TP73: variants seen among roughly 807,000 people sequenced by gnomAD.
The protein encoded by TP73 is p53-like transcription factor.
A neutral mutation model predicts 62.5 loss-of-function variants in TP73; 25 were observed. That is an observed-to-expected ratio of 0.40 (90% CI 0.29 to 0.56). The LOEUF is 0.56. TP73 is among the 20% of genes least tolerant of loss of function. The pLI, the probability that TP73 is intolerant of heterozygous loss-of-function variation, is 0.46. For synonymous variants in TP73, 423 were observed against 377.5 expected (o/e 1.12, Z -1.40); for missense variants, 754 against 913.3 (o/e 0.83, Z 2.25).
intron 3 of TP73, among the ~76,000 whole-genome samples, chr1:3,690,135 G>A (rs1357697741): frequency 2.0e-5 from 3 of 152,078 alleles, no homozygotes; most frequent in Non-Finnish European, 2.9e-5. Flanking sequence ...GGCTCCAAAC[G>A]CACGGCTCTG....
intron 1 of TP73, among the ~76,000 whole-genome samples, chr1:3,665,409 G>A (rs139551925): frequency 1.8e-3 from 278 of 152,288 alleles, no homozygotes; most frequent in African/African-American, 6.5e-3. Context: ...AAAATACACC[G>A]TTGTAAGATT....
At chr1:3,692,691 G>A (rs1181931717) in intron 3 of TP73, among the ~76,000 whole-genome samples, 1 of 152,124 alleles carries the variant, frequency 6.6e-6, no homozygotes, top group African/African-American at 2.4e-5. Flanking sequence ...GGCCAGTGTC[G>A]CTGCCTGGCC....
intron 3 of TP73, chr1:3,690,872 T>C (rs1645800409): frequency 2.6e-6 from 4 of 1,563,582 alleles, no homozygotes; most frequent in Non-Finnish European, 3.5e-6. Context: ...GGGACACCAG[T>C]TCCCTGGCGT....
chr1:3,700,959 A>G (rs1489994073), intron 3 of TP73, among the ~76,000 whole-genome samples: 1 of 152,162 alleles, frequency 6.6e-6, no homozygotes, highest in Non-Finnish European at 1.5e-5. Context: ...GAGGACAAAG[A>G]GTCTTTCAAG....
chr1:3,727,321 A>G, intron 7 of TP73, 97 bp downstream of exon 7: 1 of 1,230,778 alleles, frequency 8.1e-7, no homozygotes, highest in Non-Finnish European at 1.2e-6. Flanking sequence ...GGCCAAGGCT[A>G]GCTTGGGGAA....
rs1472222989 is a variant in TP73 at position 3,733,032 on chromosome 1, C to T, written c.1864C>T (p.Arg622Cys). 6 of 1,547,760 alleles carry T rather than the reference C, an allele frequency of 3.9e-6. No homozygotes were observed. The highest frequency in any genetic ancestry group is 4.3e-6 in the Non-Finnish European group (5 of 1,151,180). Residue 622 changes from arginine to cysteine, a missense_variant, in exon 14 of 14, where the codon CGC becomes TGC. Coordinates refer to ENST00000378295, the MANE Select transcript of TP73 (RefSeq NM_005427.4). The stretch of plus-strand genomic sequence containing the variant: ...CTTCGACCTGCCCGACTGCAAGGCC[C>T]GCAAGCAGCCCATCAAGGAGGAGTT... The part of the protein sequence containing the change: ...FGFDLPDCKA[R>C]KQPIKEEFTE...
rs1354932698 is a variant in TP73, at chr1:3,663,946, G to C, written c.-34+11305G>C. The stretch of plus-strand genomic sequence containing the variant: ...AGGTTTTGGGGTAGTGGTATGTCTT[G>C]AGCCCAATCAGTACCCTGGGGGTCG... On this transcript the variant is annotated intron_variant, in intron 1 of 13. Coordinates refer to ENST00000378295, the MANE Select transcript of TP73 (RefSeq NM_005427.4). The surrounding 1 kb of genome is among the most constrained non-coding windows in gnomAD (Gnocchi z 4.7). Among the ~76,000 whole-genome samples the C allele has an allele frequency of 6.6e-6, 1 of 152,172 alleles. No individual in the cohort carries two copies. The highest frequency in any genetic ancestry group is 2.4e-5 in the African/African-American group (1 of 41,440).
intron 1 of TP73, among the ~76,000 whole-genome samples, chr1:3,677,210 C>T (rs936940222): frequency 3.3e-5 from 5 of 152,124 alleles, no homozygotes; most frequent in African/African-American, 9.7e-5. Context: ...CTGAGTCACA[C>T]GTGTGTGGGG....
At chr1:3,707,062 CAG>C (rs1639718776) in intron 3 of TP73, among the ~76,000 whole-genome samples, 1 of 152,162 alleles carries the variant, frequency 6.6e-6, no homozygotes, top group African/African-American at 2.4e-5. Context: ...TCCAGCACCT[CAG>C]GGGCACCCAC....
chr1:3,712,356 C>T (rs2296033), intron 4 of TP73: 35,896 of 152,178 alleles, frequency 0.24, 5,310 homozygotes, highest in East Asian at 0.36. Flanking sequence ...CTGTGGTCAG[C>T]GCCTCGGGGC....
In TP73 at chr1:3,706,374, G is replaced by A. The variant is rs781095019; in HGVS notation, c.187-1175G>A. On this transcript the variant is annotated intron_variant, in intron 3 of 13. Coordinates refer to ENST00000378295, the MANE Select transcript of TP73 (RefSeq NM_005427.4). Reference sequence around the variant, plus strand: ...CAATCACGGTGCCCGCCGCAGGCCCGGGGAGGGGGGTAATAGGGACAATCA... The same window carrying A: ...CAATCACGGTGCCCGCCGCAGGCCCAGGGAGGGGGGTAATAGGGACAATCA... Among the ~76,000 whole-genome samples the A allele has an allele frequency of 1.1e-3, 159 of 141,580 alleles. 1 individual carries two copies. The highest frequency in any genetic ancestry group is 4.1e-3 in the African/African-American group (143 of 35,250). The allele number at this position is 141,580 out of a possible 152,430, so 92.9% of individuals were successfully genotyped here.
intron 3 of TP73, among the ~76,000 whole-genome samples, chr1:3,697,881 C>T (rs1167746482): frequency 5.3e-5 from 8 of 152,200 alleles, no homozygotes; most frequent in Admixed American, 5.2e-4. Context: ...CACAGCCGTC[C>T]TGGACCGCCT....
intron 6 of TP73, among the ~76,000 whole-genome samples, chr1:3,725,888 T>A (rs1363119844): frequency 9.1e-6 from 1 of 110,206 alleles, no homozygotes; most frequent in Non-Finnish European, 1.9e-5. Flanking sequence ...GATGGATGGA[T>A]TGACTGATAT....
intron 3 of TP73, among the ~76,000 whole-genome samples, chr1:3,692,158 T>C (rs1645857880): frequency 6.6e-6 from 1 of 152,032 alleles, no homozygotes; most frequent in South Asian, 2.1e-4. Flanking sequence ...GCAGGTGTGA[T>C]TGTGTGATTT....
At position 3,682,396 on chromosome 1, in the gene TP73, G is replaced by A. The variant is rs189898953; in HGVS notation, c.31G>A (p.Gly11Arg). The A allele has an allele frequency of 7.3e-5, 115 of 1,565,704 alleles. No individual in the cohort carries two copies. The highest frequency in any genetic ancestry group is 9.4e-5 in the Non-Finnish European group (108 of 1,152,796). The change falls in exon 2 of 14, where the codon GGG (glycine) becomes AGG (arginine). Residue 11 changes from glycine (G) to arginine (R), a missense_variant. Coordinates refer to ENST00000378295, the MANE Select transcript of TP73 (RefSeq NM_005427.4). ...CCAGTCCACCGCCACCTCCCCTGAT[G>A]GGGGCACCACGTTTGAGCACCTCTG... MAQSTATSPD[G>R]GTTFEHLWSS...
chr1:3,727,501 C>A, intron 7 of TP73, 127 bp from the exon 8 acceptor site: 1 of 1,348,366 alleles, frequency 7.4e-7, no homozygotes, highest in Admixed American at 2.1e-5. Flanking sequence ...GCTGCCGGCA[C>A]TGGGTGCTCT....
chr1:3,723,061 CCT>C (rs1437121939), intron 5 of TP73, among the ~76,000 whole-genome samples: 2 of 150,878 alleles, frequency 1.3e-5, no homozygotes, highest in Admixed American at 6.6e-5. Flanking sequence ...CAGCTGGGCA[CCT>C]CTCTGCACCT....
chr1:3,723,115 C>T (rs1311388177), intron 5 of TP73, among the ~76,000 whole-genome samples: 2 of 146,472 alleles, frequency 1.4e-5, no homozygotes, highest in Non-Finnish European at 3.0e-5. Context: ...GGGGTGGGCA[C>T]CTTTGCAGGT....
chr1:3,705,960 C>A (rs115559500), intron 3 of TP73, among the ~76,000 whole-genome samples: 87 of 152,210 alleles, frequency 5.7e-4, no homozygotes, highest in African/African-American at 2.1e-3. Flanking sequence ...AGGGGCTGAG[C>A]CTGGGAGTCC....
Sources: allele counts gnomAD v4.1 joint callset (sites outside exome capture counted in the v4.1 genomes callset), GRCh38; gene constraint gnomAD v4.1.1; non-coding constraint Gnocchi (gnomAD v3.1); transcripts MANE v1.5; gene names NCBI Gene and HGNC (gene_info 2026-07-23, HGNC 2026-07-21).